The following NTM variants were observed in gnomAD, a reference collection of about 807,000 sequenced individuals.
NTM encodes IgLON family member 2.
NTM carries 13 observed loss-of-function variants against 42.1 expected under a neutral mutation model. The ratio of observed to expected loss-of-function variants is 0.31; its 90% CI spans 0.20 to 0.49. The LOEUF is 0.49. NTM is among the 20% of genes least tolerant of loss of function. The pLI, the probability that NTM is intolerant of heterozygous loss-of-function variation, is 0.99. For missense variants in NTM, 373 were observed against 452.8 expected, an observed-to-expected ratio of 0.82 and a Z score of 1.60; for synonymous variants, 187 against 179.2, an observed-to-expected ratio of 1.04 and a Z score of -0.35.
intron 2 of NTM, among the ~76,000 whole-genome samples, chr11:131,936,281 T>C (rs1593005858): frequency 6.6e-6 from 1 of 152,338 alleles, no homozygotes; most frequent in Middle Eastern, 3.4e-3. Flanking sequence ...TATCCTATAT[T>C]GCATTCCTCT....
intron 1 of NTM, chr11:131,773,925 C>T (rs939259858): frequency 2.7e-6 from 2 of 734,992 alleles, no homozygotes; most frequent in Non-Finnish European, 3.3e-6. Context: ...CTGCTGGACT[C>T]ACTGTACAAT....
intron 2 of NTM, among the ~76,000 whole-genome samples, chr11:132,053,283 G>C (rs183348597): frequency 6.6e-6 from 1 of 152,176 alleles, no homozygotes; most frequent in Non-Finnish European, 1.5e-5. Context: ...AGGCTTACCC[G>C]ATGCCAGGGC....
At chr11:131,973,742 G>A (rs1014728801) in intron 2 of NTM, among the ~76,000 whole-genome samples, 12 of 152,192 alleles carry the variant, frequency 7.9e-5, no homozygotes, top group African/African-American at 1.9e-4. Context: ...GCTTGAACCC[G>A]GGAGGCAGAG....
At position 131,370,774 on chromosome 11, in the gene NTM, C is replaced by CA. The variant is rs1408718886; in HGVS notation, c.-27dup. On this transcript the variant is annotated 5_prime_UTR_variant, in exon 1 of 9. Transcript: ENST00000683400. ...AAAGAAAGAAAAAAACCGAACCTGA[C>CA]AAAAAAGAAGAAAAAGAAGAAGAAA... 4 of 1,585,000 alleles carry CA rather than the reference C, an allele frequency of 2.5e-6. No individual in the cohort carries two copies. Among genetic ancestry groups the CA allele is most frequent in the Non-Finnish European group, 3.5e-6 (4 of 1,158,456 alleles).
chr11:131,555,505 T>A (rs1485667622), intron 1 of NTM, among the ~76,000 whole-genome samples: 1 of 152,206 alleles, frequency 6.6e-6, no homozygotes, highest in African/African-American at 2.4e-5. Flanking sequence ...GAGCATCAAC[T>A]AATGGTCCTG....
At chr11:131,985,461 C>G (rs1246635612) in intron 2 of NTM, among the ~76,000 whole-genome samples, 1 of 152,166 alleles carries the variant, frequency 6.6e-6, no homozygotes, top group Non-Finnish European at 1.5e-5. Context: ...GGAGTAACAA[C>G]AGCTCTCCAT....
intron 4 of NTM, among the ~76,000 whole-genome samples, chr11:132,236,899 T>G (rs2089063659): frequency 6.6e-6 from 1 of 152,150 alleles, no homozygotes; most frequent in African/African-American, 2.4e-5. Flanking sequence ...CTTCTGCTGG[T>G]TTTTCCTGGG....
At chr11:131,394,654 A>T (rs1032720279) in intron 1 of NTM, among the ~76,000 whole-genome samples, 9 of 152,132 alleles carry the variant, frequency 5.9e-5, no homozygotes, top group African/African-American at 1.9e-4. Context: ...TCACTTCAGG[A>T]CCAACGAAGG....
rs575171229 is a variant in NTM at position 132,207,604 on chromosome 11, A to G, written c.401-4418A>G. 1.1e-4 allele frequency among the ~76,000 whole-genome samples: 16 copies of G among 152,346 alleles called. 1 individual carries two copies. In the South Asian group the frequency reaches 2.3e-3, roughly 22 times the overall value. ...CAGTTCATGGAAAAAATTATCTTCC[A>G]TGAAACCTGTCCCTGGTGCCAACAA... is the stretch of plus-strand genomic sequence containing the variant. On this transcript the variant is annotated intron_variant, in intron 3 of 8. Transcript: ENST00000683400.
intron 1 of NTM, among the ~76,000 whole-genome samples, chr11:131,627,427 T>C (rs985133115): frequency 6.6e-6 from 1 of 152,100 alleles, no homozygotes; most frequent in African/African-American, 2.4e-5. Context: ...ATAAAGATAG[T>C]AGACTAAACT....
intron 2 of NTM, among the ~76,000 whole-genome samples, chr11:132,027,908 A>AT (rs1385034084): frequency 1.4e-4 from 21 of 150,532 alleles, no homozygotes; most frequent in Non-Finnish European, 2.8e-4. Flanking sequence ...ATTCTGTTCC[A>AT]TTTTTTTCAG....
intron 1 of NTM, chr11:131,877,530 T>TC (rs2048718772): frequency 6.6e-6 from 1 of 152,000 alleles, no homozygotes; most frequent in South Asian, 2.1e-4. Flanking sequence ...CTTTTGTATC[T>TC]CCCCCACCCC....
chr11:132,240,983 A>C (rs1361499295), intron 4 of NTM, among the ~76,000 whole-genome samples: 1 of 152,250 alleles, frequency 6.6e-6, no homozygotes, highest in Non-Finnish European at 1.5e-5. Flanking sequence ...TTCATGTGAG[A>C]GGTCACAGTC....
rs191736786 is a variant in NTM at position 132,193,668 on chromosome 11, A to T, written c.401-18354A>T. ...AAGAAAAGAAATAACCAAAATCAAA[A>T]CTTAACTGAACAAAATTGAGATGCG... On this transcript the variant is annotated intron_variant, in intron 3 of 8. Coordinates refer to ENST00000683400, the MANE Select transcript of NTM (RefSeq NM_001352005.2). 1.6e-3 allele frequency among the ~76,000 whole-genome samples: 239 copies of T among 152,092 alleles called. 6 individuals are homozygous for T. Among genetic ancestry groups the T allele is most frequent in the Admixed American group, 0.016 (237 of 15,270 alleles).
At chr11:131,728,601 T>C (rs1369989829) in intron 1 of NTM, among the ~76,000 whole-genome samples, 3 of 152,196 alleles carry the variant, frequency 2.0e-5, no homozygotes, top group Middle Eastern at 3.2e-3. Flanking sequence ...CAGTGTTCCA[T>C]TATTGGAACA....
chr11:131,578,211 AC>A (rs1226455965), intron 1 of NTM, among the ~76,000 whole-genome samples: 1 of 152,226 alleles, frequency 6.6e-6, no homozygotes, highest in Non-Finnish European at 1.5e-5. Flanking sequence ...TGTCAGGCTG[AC>A]AGAATGGGCC....
intron 1 of NTM, among the ~76,000 whole-genome samples, chr11:131,597,299 C>T (rs2059896331): frequency 2.6e-5 from 4 of 152,148 alleles, no homozygotes; most frequent in Admixed American, 2.6e-4. Flanking sequence ...CTTCCTCTGT[C>T]TACCCCTTTG....
rs959666417 is a variant in NTM, at chr11:132,306,892, T to C, written c.527-797T>C. On this transcript the variant is annotated intron_variant, in intron 4 of 8. Transcript: ENST00000683400. ...TCTTGGTCTTTCAATAACTGAGTGC[T>C]CATGGCCAGACGTCAGGCACAGAGT... 2.6e-5 allele frequency among the ~76,000 whole-genome samples: 4 copies of C among 152,214 alleles called. No individual in the cohort carries two copies. The South Asian group carries it at 8.3e-4, about 31-fold the overall frequency.
intron 4 of NTM, among the ~76,000 whole-genome samples, chr11:132,303,807 G>C (rs986670820): frequency 5.9e-5 from 9 of 151,988 alleles, no homozygotes; most frequent in African/African-American, 2.2e-4. Flanking sequence ...CTGCAGCAGT[G>C]GCAGTGGTGG....
Sources: gnomAD v4.1 joint callset for allele counts (sites outside exome capture counted in the v4.1 genomes callset) on GRCh38, gnomAD v4.1.1 for gene constraint, MANE v1.5 for transcripts, NCBI Gene and HGNC (gene_info 2026-07-23, HGNC 2026-07-21) for gene names.